Variants in MYNN observed in about 807,000 individuals in gnomAD.
MYNN encodes the protein zinc finger and BTB domain-containing protein 31.
A neutral mutation model predicts 57.2 loss-of-function variants in MYNN; 22 were observed. The observed-to-expected ratio is 0.38, with a 90% confidence interval of 0.27 to 0.55. The LOEUF is 0.55. Among genes scored for constraint, MYNN ranks in the 20% least tolerant of loss-of-function variants. The pLI, the probability that MYNN is intolerant of heterozygous loss-of-function variation, is 0.71. For synonymous variants in MYNN, 241 were observed against 257.1 expected, an observed-to-expected ratio of 0.94 and a Z score of 0.60; for missense variants, 566 against 723.1, an observed-to-expected ratio of 0.78 and a Z score of 2.49.
In MYNN at chr3:169,788,144, A is replaced by G. The variant is rs1214429207; in HGVS notation, c.*1466A>G. 1 of 152,148 alleles carries G rather than the reference A, an allele frequency of 6.6e-6. No homozygotes were observed. 9.4% of individuals were successfully genotyped at this position (152,148 alleles called of 1,614,324 possible). ...ATTTTCTCTATTTGGGACCCAAGTC[A>G]TAAGAACCAATTAGAGGACATAATA... On this transcript the variant is annotated 3_prime_UTR_variant, in exon 8 of 8. Coordinates refer to ENST00000349841, the MANE Select transcript of MYNN (RefSeq NM_018657.5).
rs576047094 is a variant in MYNN, at chr3:169,776,774, G to T, written c.267-1994G>T. Among the ~76,000 whole-genome samples the T allele has an allele frequency of 1.6e-4, 22 of 141,126 alleles. No individual in the cohort carries two copies. In the Admixed American group the frequency reaches 1.7e-3, roughly 11 times the overall value. 92.6% of individuals were successfully genotyped at this position (141,126 alleles called of 152,430 possible). A position where few individuals can be genotyped will look rare whatever the true frequency, so the allele number is the denominator to read the frequency against. On this transcript the variant is annotated intron_variant, in intron 2 of 7. Transcript: ENST00000349841. Reference sequence around the variant, plus strand: ...GCTGGAGTGCAATGGCGTGATCTCGGCTCACTGCAACCTCCACCTCCCAGG... The same window carrying T: ...GCTGGAGTGCAATGGCGTGATCTCGTCTCACTGCAACCTCCACCTCCCAGG...
rs770164049 is a variant in MYNN at position 169,774,472 on chromosome 3, C to G, written c.177C>G (p.Asn59Lys). 6.2e-7 allele frequency: 1 copy of G among 1,614,006 alleles called. No individual in the cohort carries two copies. The highest frequency in any genetic ancestry group is 1.1e-5 in the South Asian group (1 of 91,090). ...CGATCTACAGAAGCACTTCTGAGAA[C>G]AATGTCTTTCTTGATCAGAGTCAGG... is the stretch of plus-strand genomic sequence containing the variant. ...FGAIYRSTSE[N>K]NVFLDQSQVK... Residue 59 changes from asparagine to lysine, a missense_variant, in exon 2 of 8, where the codon AAC becomes AAG. Coordinates refer to ENST00000349841, the MANE Select transcript of MYNN (RefSeq NM_018657.5).
intron 6 of MYNN, among the ~76,000 whole-genome samples, chr3:169,784,111 T>G (rs1221996792): frequency 1.3e-5 from 2 of 152,150 alleles, no homozygotes; most frequent in East Asian, 1.9e-4. Context: ...AGAGATTTAG[T>G]AAGTTTTTGG....
chr3:169,782,424 C>T lies in MYNN; in HGVS notation c.1221-41C>T. The T allele has an allele frequency of 6.5e-7, 1 of 1,535,682 alleles. No homozygotes were observed. The highest frequency in any genetic ancestry group is 1.4e-5 in the African/African-American group (1 of 72,570). On this transcript the variant is annotated intron_variant, in intron 4 of 7. Transcript: ENST00000349841. This position sits in a 1 kb window ranked among gnomAD's most constrained non-coding sequence, Gnocchi z 4.8. ...TATGAATTCTTGCTATATAGACTGA[C>T]CTCCAAATTGTTTTACTTATTTAAC...
Position 169,783,496 on chromosome 3 carries a change from T to C in MYNN, c.1419T>C (p.Cys473=). Residue 473 remains cysteine (C), a synonymous_variant, in exon 6 of 8, where the codon TGT becomes TGC. Transcript: ENST00000349841. ...ATCTAGGTGAAAAACCATACATATG[T>C]GGTATTTGTGGGAAAAGTTTTATTT... is the stretch of plus-strand genomic sequence containing the variant. ...RKHTGEKPYI[C]GICGKSFISS... is the part of the protein sequence containing the mutation. 6.2e-7 allele frequency: 1 copy of C among 1,609,396 alleles called. No homozygotes were observed. Among genetic ancestry groups the C allele is most frequent in the South Asian group, 1.1e-5 (1 of 90,802 alleles).
chr3:169,783,961 G>A (rs1036379136), intron 6 of MYNN: 8 of 264,430 alleles, frequency 3.0e-5, no homozygotes, highest in Non-Finnish European at 4.5e-5. Context: ...AAAGTAGTTT[G>A]TAAATTGTAT....
chr3:169,781,204 A>G (rs1043049366), intron 4 of MYNN, among the ~76,000 whole-genome samples: 1 of 152,238 alleles, frequency 6.6e-6, no homozygotes, highest in Non-Finnish European at 1.5e-5. Context: ...AAGAGAGTCA[A>G]AGATGATTCT....
At chr3:169,773,783 C>T (rs567088620) in intron 1 of MYNN, among the ~76,000 whole-genome samples, 33 of 152,308 alleles carry the variant, frequency 2.2e-4, no homozygotes, top group Admixed American at 2.1e-3. Context: ...CAAGCCATGG[C>T]CGGGCGCATT....
intron 3 of MYNN, chr3:169,779,837 A>G: frequency 2.5e-6 from 1 of 407,350 alleles, no homozygotes; most frequent in South Asian, 4.7e-5. Context: ...AGAGACAAAG[A>G]CATTAAAACT....
In MYNN at chr3:169,783,579, C is replaced by CAAAAA; in HGVS notation, c.1483+19_1483+20insAAAAA. 6.5e-7 allele frequency: 1 copy of CAAAAA among 1,546,978 alleles called. No individual in the cohort carries two copies. The highest frequency in any genetic ancestry group is 8.9e-7 in the Non-Finnish European group (1 of 1,124,676). On this transcript the variant is annotated intron_variant, in intron 6 of 7. Transcript: ENST00000349841. ...CATACAGGTCTGTGTTTAGGGAGAA[C>CAAAAA]GTATTATTTTTTGTTCTCTCTTAAT...
At position 169,787,670 on chromosome 3, in the gene MYNN, C is replaced by G; in HGVS notation, c.*992C>G. On this transcript the variant is annotated 3_prime_UTR_variant, in exon 8 of 8. Coordinates refer to ENST00000349841, the MANE Select transcript of MYNN (RefSeq NM_018657.5). ...AATTATAAGTAAACATTTTGAGTTA[C>G]CAGAAAGCCAACTATAGTTAAATAT... 1 of 152,020 alleles carries G rather than the reference C, an allele frequency of 6.6e-6. No homozygotes were observed. Among genetic ancestry groups the G allele is most frequent in the Non-Finnish European group, 1.5e-5 (1 of 67,958 alleles). The allele number at this position is 152,020 out of a possible 1,614,324, so 9.4% of individuals were successfully genotyped here.
In MYNN at chr3:169,786,478, C is replaced by T; in HGVS notation, c.1633C>T (p.Gln545Ter). 6.2e-7 allele frequency: 1 copy of T among 1,613,400 alleles called. No homozygotes were observed. Among genetic ancestry groups the T allele is most frequent in the Non-Finnish European group, 8.5e-7 (1 of 1,179,560 alleles). Residue 545 changes from glutamine to a stop codon, truncating the protein, a stop_gained, in exon 8 of 8, where the codon CAA (glutamine) becomes TAA (stop). Transcript: ENST00000349841. LOFTEE classifies it high-confidence loss of function. ...DHTLSEQDSI[Q>*]KSPLSETMDV... ...TACTTTGAGTGAACAGGATTCCATA[C>T]AAAAAAGTCCTTTATCAGAAACTAT...
intron 6 of MYNN, 64 bp from the exon 7 acceptor site, chr3:169,784,558 A>T: frequency 2.8e-6 from 3 of 1,075,520 alleles, no homozygotes; most frequent in Non-Finnish European, 4.1e-6. Flanking sequence ...ATAAACATTG[A>T]TATTTTTGTC....
chr3:169,788,524 T>G lies in MYNN; in HGVS notation c.*1846T>G, dbSNP rs1191173365. On this transcript the variant is annotated 3_prime_UTR_variant, in exon 8 of 8. Transcript: ENST00000349841. ...AATGGAGAGGTTATGTTTAATTTAT[T>G]TATATCTTCGTTAATCCAAGCATCT... is the stretch of plus-strand genomic sequence containing the variant. 6.6e-6 allele frequency: 1 copy of G among 152,160 alleles called. No homozygotes were observed. The highest frequency in any genetic ancestry group is 1.5e-5 in the Non-Finnish European group (1 of 67,984). The allele number at this position is 152,160 out of a possible 1,614,324, so 9.4% of individuals were successfully genotyped here. A position where few individuals can be genotyped will look rare whatever the true frequency, so the allele number is the denominator to read the frequency against.
Position 169,786,550 on chromosome 3 carries a change from G to C in MYNN, c.1705G>C (p.Gly569Arg), listed in dbSNP as rs757084126. Residue 569 changes from glycine (G) to arginine (R), a missense_variant, in exon 8 of 8, where the codon GGG becomes CGG. Transcript: ENST00000349841. ...DMTLPLALPLGTEDHHMLLPV... is the reference protein window; with the variant it reads ...DMTLPLALPLRTEDHHMLLPV... ...GACTTTACCATTAGCTCTTCCACTT[G>C]GGACTGAGGACCATCACATGCTTCT... 6.2e-7 allele frequency: 1 copy of C among 1,613,588 alleles called. No homozygotes were observed. Among genetic ancestry groups the C allele is most frequent in the Non-Finnish European group, 8.5e-7 (1 of 1,179,668 alleles).
At chr3:169,774,744 A>G (rs1446003065) in intron 2 of MYNN, among the ~76,000 whole-genome samples, 183 bp downstream of exon 2, 1 of 152,248 alleles carries the variant, frequency 6.6e-6, no homozygotes, top group Non-Finnish European at 1.5e-5. Context: ...TATTTTTCAT[A>G]AGCACAGATA....
chr3:169,781,072 C>A (rs963698583), intron 4 of MYNN, among the ~76,000 whole-genome samples: 1 of 152,112 alleles, frequency 6.6e-6, no homozygotes, highest in East Asian at 1.9e-4. Flanking sequence ...AAAACCCAAG[C>A]AAGGGTGATG....
intron 2 of MYNN, among the ~76,000 whole-genome samples, chr3:169,775,266 ATGTAGGCAC>A (rs1778300021): frequency 6.6e-6 from 1 of 152,202 alleles, no homozygotes; most frequent in Admixed American, 6.5e-5. Context: ...GAATCTGATA[ATGTAGGCAC>A]TGTGTGTCTC....
At chr3:169,778,240 C>T (rs978469774) in intron 2 of MYNN, 2 of 153,448 alleles carry the variant, frequency 1.3e-5, no homozygotes, top group African/African-American at 4.8e-5. Flanking sequence ...GAATCTCAGG[C>T]CCCATCACAG....
Sources: allele counts gnomAD v4.1 joint callset (sites outside exome capture counted in the v4.1 genomes callset), GRCh38; gene constraint gnomAD v4.1.1; non-coding constraint Gnocchi (gnomAD v3.1); transcripts MANE v1.5; gene names NCBI Gene and HGNC (gene_info 2026-07-23, HGNC 2026-07-21).